DPRX: variants seen among roughly 807,000 people sequenced by gnomAD.
The protein encoded by DPRX is divergent-paired related homeobox.
In DPRX, 11 loss-of-function variants were observed where a neutral mutation model predicts 8.4. The ratio of observed to expected loss-of-function variants is 1.31; its 90% CI spans 0.82 to 2.17. The LOEUF is 2.17. Among genes scored for constraint, DPRX ranks in the 30% most tolerant of loss-of-function variants. The pLI is 0.00. For missense variants in DPRX, 211 were observed against 236.7 expected (o/e 0.89, Z 0.71); for synonymous variants, 72 against 87.0 (o/e 0.83, Z 0.96).
At chr19:53,633,751 G>A (rs11671450) in intron 1 of DPRX, among the ~76,000 whole-genome samples, 105,315 of 151,808 alleles carry the variant, frequency 0.69, 37,278 homozygotes, top group East Asian at 0.79. Flanking sequence ...CTCATGATCC[G>A]CCCGCCTTGG....
the DPRX span, among the ~76,000 whole-genome samples, chr19:53,601,702 G>A: frequency 3.3e-4 from 50 of 152,006 alleles, no homozygotes; most frequent in East Asian, 8.4e-3. Context: ...GGCTGGTCCC[G>A]AACTCCTCGC....
chr19:53,601,476 G>A, the DPRX span: 2 of 365,436 alleles, frequency 5.5e-6, no homozygotes, highest in Non-Finnish European at 1.1e-5. Context: ...CATATTCAAT[G>A]CCTATTCTTT....
the DPRX span, among the ~76,000 whole-genome samples, chr19:53,607,821 G>A: frequency 0.68 from 102,615 of 150,850 alleles, 35,027 homozygotes; most frequent in Admixed American, 0.75. Context: ...ACCGAAATTT[G>A]GCCTGGGCGA....
chr19:53,603,257 C>T, the DPRX span: 1 of 445,584 alleles, frequency 2.2e-6, no homozygotes, highest in African/African-American at 2.0e-5. Context: ...ATCTTCACAA[C>T]TCCTCTCAAC....
the DPRX span, among the ~76,000 whole-genome samples, chr19:53,626,053 C>G: frequency 6.6e-6 from 1 of 152,134 alleles, no homozygotes; most frequent in African/African-American, 2.4e-5. Flanking sequence ...CCTCCCACCT[C>G]AGCCTCCTGA....
chr19:53,615,103 T>A, the DPRX span, among the ~76,000 whole-genome samples: 6 of 152,010 alleles, frequency 3.9e-5, no homozygotes, highest in Non-Finnish European at 5.9e-5. Flanking sequence ...CAGGCTGGAG[T>A]GCTTCAGCCT....
the DPRX span, among the ~76,000 whole-genome samples, chr19:53,608,090 T>C: frequency 6.7e-6 from 1 of 148,194 alleles, no homozygotes; most frequent in Admixed American, 6.8e-5. Flanking sequence ...GAGAATCGCT[T>C]GAACCCGGGA....
At chr19:53,613,548 G>A in the DPRX span, among the ~76,000 whole-genome samples, 4 of 149,450 alleles carry the variant, frequency 2.7e-5, no homozygotes, top group Non-Finnish European at 4.4e-5. Context: ...TAGTAGAGAC[G>A]GGGGTTTCAC....
At chr19:53,627,641 G>A (rs185148956), upstream of DPRX, among the ~76,000 whole-genome samples, 262 of 150,420 alleles carry the variant, frequency 1.7e-3, no homozygotes, top group African/African-American at 6.1e-3. Flanking sequence ...CTGTCGCCAC[G>A]TTGGCCTGGC....
the DPRX span, among the ~76,000 whole-genome samples, chr19:53,625,871 C>T: frequency 6.6e-6 from 1 of 152,170 alleles, no homozygotes; most frequent in African/African-American, 2.4e-5. Flanking sequence ...CTCCTGACCT[C>T]AGGTGATCTG....
At chr19:53,618,388 T>C in the DPRX span, among the ~76,000 whole-genome samples, 1 of 151,764 alleles carries the variant, frequency 6.6e-6, no homozygotes, top group East Asian at 1.9e-4. Flanking sequence ...TTATTTCAGA[T>C]AGGTATGTAA....
At chr19:53,622,197 G>A in the DPRX span, among the ~76,000 whole-genome samples, 5 of 152,136 alleles carry the variant, frequency 3.3e-5, no homozygotes, top group African/African-American at 1.2e-4. Flanking sequence ...ATTTATTAGA[G>A]GAAAACAACC....
At chr19:53,613,562 G>A in the DPRX span, among the ~76,000 whole-genome samples, 1 of 146,200 alleles carries the variant, frequency 6.8e-6, no homozygotes, top group Admixed American at 7.0e-5. Context: ...GTTTCACCAT[G>A]TTGGCCAGGC....
chr19:53,617,112 T>A, the DPRX span: 2 of 1,262,022 alleles, frequency 1.6e-6, no homozygotes, highest in Non-Finnish European at 2.3e-6. Flanking sequence ...GGTTTCATAA[T>A]CCTGGACCGA....
At chr19:53,603,292 C>G in the DPRX span, 1 of 454,234 alleles carries the variant, frequency 2.2e-6, no homozygotes, top group Non-Finnish European at 4.4e-6. Flanking sequence ...ACTCCCTACT[C>G]GGCCCCCTGC....
the DPRX span, among the ~76,000 whole-genome samples, chr19:53,616,405 G>A: frequency 2.0e-5 from 3 of 152,084 alleles, no homozygotes; most frequent in African/African-American, 7.2e-5. Context: ...ATGGGGTGGA[G>A]GTCAAACACC....
the DPRX span, among the ~76,000 whole-genome samples, chr19:53,620,361 A>ACG: frequency 9.8e-5 from 14 of 143,274 alleles, no homozygotes; most frequent in South Asian, 2.3e-4. Context: ...GAGCCACCGT[A>ACG]CCCGGCCTAT....
chr19:53,614,654 T>C, the DPRX span, among the ~76,000 whole-genome samples: 1 of 152,224 alleles, frequency 6.6e-6, no homozygotes, highest in Non-Finnish European at 1.5e-5. Flanking sequence ...GTCTAATTTA[T>C]ATATTTTCTT....
chr19:53,601,436 G>A, the DPRX span: 2 of 448,694 alleles, frequency 4.5e-6, no homozygotes, highest in East Asian at 7.0e-5. Context: ...TATTCCAAGG[G>A]GTGGGAAGGC....
Sources: allele counts gnomAD v4.1 joint callset (sites outside exome capture counted in the v4.1 genomes callset), GRCh38; gene constraint gnomAD v4.1.1; transcripts MANE v1.5; gene names NCBI Gene and HGNC (gene_info 2026-07-23, HGNC 2026-07-21).